Variants in LRRIQ3 observed in about 807,000 individuals in gnomAD.
LRRIQ3 encodes the protein leucine rich repeats and IQ motif containing 3, also known as leucine-rich repeat and IQ domain-containing protein 3.
LRRIQ3 carries 75 observed loss-of-function variants against 59.3 expected under a neutral mutation model. The observed-to-expected ratio is 1.26, with a 90% CI of 1.05 to 1.53. LRRIQ3 has a LOEUF of 1.53. LRRIQ3 is among the 40% of genes most tolerant of loss of function. LRRIQ3 has a pLI of 0.00. For missense variants in LRRIQ3, 831 were observed against 710.0 expected (o/e 1.17, Z -1.94); for synonymous variants, 250 against 231.3 (o/e 1.08, Z -0.73).
chr1:74,075,217 G>A (rs965791025), intron 5 of LRRIQ3, among the ~76,000 whole-genome samples: 2 of 151,980 alleles, frequency 1.3e-5, no homozygotes, highest in African/African-American at 4.8e-5. Context: ...GAAAAGGAGG[G>A]ACAATAACAG....
chr1:74,029,212 C>T (rs1011655871), intron 7 of LRRIQ3, among the ~76,000 whole-genome samples: 9 of 152,046 alleles, frequency 5.9e-5, no homozygotes, highest in Non-Finnish European at 1.2e-4. Flanking sequence ...TTATTTCTTT[C>T]TCCTGCCTGC....
intron 5 of LRRIQ3, among the ~76,000 whole-genome samples, chr1:74,080,834 C>A (rs534080738): frequency 1.3e-5 from 2 of 151,544 alleles, no homozygotes; most frequent in Non-Finnish European, 3.0e-5. Flanking sequence ...GGGAGGTTAA[C>A]GTGTACAGCA....
chr1:74,070,390 C>G (rs966636518), intron 6 of LRRIQ3, among the ~76,000 whole-genome samples: 10 of 152,018 alleles, frequency 6.6e-5, no homozygotes, highest in African/African-American at 2.4e-4. Flanking sequence ...AAATGAAATA[C>G]CACAGGATCT....
chr1:74,055,884 C>T (rs1354726578), intron 6 of LRRIQ3, among the ~76,000 whole-genome samples: 1 of 152,078 alleles, frequency 6.6e-6, no homozygotes, highest in East Asian at 1.9e-4. Context: ...TTGGCTCACG[C>T]CTGTAATTCC....
intron 6 of LRRIQ3, among the ~76,000 whole-genome samples, chr1:74,060,357 T>TTCC (rs1016322434): frequency 2.0e-5 from 3 of 150,886 alleles, no homozygotes; most frequent in South Asian, 4.2e-4. Flanking sequence ...TTTCTTCTTC[T>TTCC]TCCTCCTCCT....
intron 4 of LRRIQ3, among the ~76,000 whole-genome samples, chr1:74,118,860 G>A (rs1221597687): frequency 6.6e-6 from 1 of 152,036 alleles, no homozygotes; most frequent in African/African-American, 2.4e-5. Flanking sequence ...TTTCTATGTC[G>A]CAGTGTTGAG....
At chr1:74,113,946 C>T (rs1570137635) in intron 4 of LRRIQ3, among the ~76,000 whole-genome samples, 1 of 151,338 alleles carries the variant, frequency 6.6e-6, no homozygotes. Flanking sequence ...ATATAAATCC[C>T]CTCTCTCTTT....
At position 74,068,742 on chromosome 1, in the gene LRRIQ3, A is replaced by C. The variant is rs1369458020; in HGVS notation, c.997+5919T>G. 2.6e-5 allele frequency among the ~76,000 whole-genome samples: 4 copies of C among 152,146 alleles called. No homozygotes were observed. The East Asian group carries it at 7.7e-4, about 29-fold the overall frequency. On this transcript the variant is annotated intron_variant, in intron 6 of 7. Transcript: ENST00000354431. The stretch of plus-strand genomic sequence containing the variant: ...AGTCTTATATGCATGAGTATGCCTT[A>C]ATTGCTCATCTGGAGTAATTTAGTT...
intron 1 of LRRIQ3, among the ~76,000 whole-genome samples, chr1:74,196,549 T>C (rs1466876124): frequency 6.6e-6 from 1 of 152,142 alleles, no homozygotes; most frequent in Non-Finnish European, 1.5e-5. Context: ...TGCATACACA[T>C]GTCTCTTTAT....
intron 1 of LRRIQ3, 62 bp from the exon 2 acceptor site, chr1:74,183,746 A>T: frequency 7.1e-7 from 1 of 1,409,420 alleles, no homozygotes; most frequent in Non-Finnish European, 9.3e-7. Context: ...ACCTGAAAAC[A>T]AACAAAATTT....
At chr1:74,167,521 A>T (rs1232003703) in intron 3 of LRRIQ3, among the ~76,000 whole-genome samples, 1 of 151,868 alleles carries the variant, frequency 6.6e-6, no homozygotes, top group Non-Finnish European at 1.5e-5. Context: ...AACTTAAAAT[A>T]AAAATAAAAA....
At chr1:74,101,575 T>G (rs1646533823) in intron 5 of LRRIQ3, among the ~76,000 whole-genome samples, 1 of 152,118 alleles carries the variant, frequency 6.6e-6, no homozygotes, top group Non-Finnish European at 1.5e-5. Flanking sequence ...ACCCAAAGGA[T>G]TATAAATCAT....
chr1:74,196,515 C>A (rs889737075), intron 1 of LRRIQ3, among the ~76,000 whole-genome samples: 1 of 152,152 alleles, frequency 6.6e-6, no homozygotes, highest in Non-Finnish European at 1.5e-5. Context: ...CACATACACA[C>A]ACAAACTTCC....
In LRRIQ3 at chr1:74,074,653, T is replaced by A; in HGVS notation, c.997+8A>T. 1 of 1,278,458 alleles carries A rather than the reference T, an allele frequency of 7.8e-7. No homozygotes were observed. Among genetic ancestry groups the A allele is most frequent in the Non-Finnish European group, 1.0e-6 (1 of 972,518 alleles). The allele number at this position is 1,278,458 out of a possible 1,614,324, so 79.2% of individuals were successfully genotyped here. ...TATTAAATATAATTAAAAATTCATA[T>A]AACTAACCTTTTTGAATGAGATGTC... On this transcript the variant is annotated splice_region_variant and intron_variant, in intron 6 of 7. Coordinates refer to ENST00000354431, the MANE Select transcript of LRRIQ3 (RefSeq NM_001105659.2).
intron 2 of LRRIQ3, chr1:74,183,071 T>C (rs542391097): frequency 1.6e-5 from 6 of 365,382 alleles, no homozygotes; most frequent in African/African-American, 1.1e-4. Context: ...ATTATTCGCA[T>C]AGTAAAATGC....
intron 5 of LRRIQ3, among the ~76,000 whole-genome samples, chr1:74,098,854 A>G (rs1391568092): frequency 2.6e-5 from 4 of 152,174 alleles, no homozygotes; most frequent in Non-Finnish European, 5.9e-5. Flanking sequence ...CTTTGAAACC[A>G]ATGAGAAAAA....
chr1:74,138,437 T>C (rs772735045), intron 4 of LRRIQ3: 19 of 973,502 alleles, frequency 2.0e-5, no homozygotes, highest in Non-Finnish European at 2.2e-5. Flanking sequence ...CAGACTTACA[T>C]ACTTACTTTT....
chr1:74,072,023 C>A (rs1016701660), intron 6 of LRRIQ3, among the ~76,000 whole-genome samples: 1 of 151,990 alleles, frequency 6.6e-6, no homozygotes, highest in African/African-American at 2.4e-5. Flanking sequence ...TTAGAAAATA[C>A]ATAGAATAAC....
At chr1:74,165,473 C>T (rs1570243379) in intron 3 of LRRIQ3, among the ~76,000 whole-genome samples, 1 of 151,326 alleles carries the variant, frequency 6.6e-6, no homozygotes, top group East Asian at 1.9e-4. Context: ...CTTATTAGTT[C>T]TAATATATTC....
Sources: allele counts gnomAD v4.1 joint callset (sites outside exome capture counted in the v4.1 genomes callset), GRCh38; gene constraint gnomAD v4.1.1; transcripts MANE v1.5; gene names NCBI Gene and HGNC (gene_info 2026-07-23, HGNC 2026-07-21).